Variants in GTF2H5 observed in about 807,000 individuals in gnomAD.
GTF2H5 encodes the protein general transcription factor IIH subunit 5.
Under a neutral mutation model 7.1 loss-of-function variants are expected in GTF2H5, and 5 were observed. The observed-to-expected ratio is 0.71, with a 90% CI of 0.37 to 1.49. GTF2H5 has a LOEUF of 1.49. Among genes scored for constraint, GTF2H5 ranks in the 40% most tolerant of loss-of-function variants. GTF2H5 has a pLI of 0.03. For missense variants in GTF2H5, 80 were observed against 83.0 expected, an observed-to-expected ratio of 0.96 and a Z score of 0.14; for synonymous variants, 30 against 31.7, an observed-to-expected ratio of 0.95 and a Z score of 0.18.
intron 2 of GTF2H5, among the ~76,000 whole-genome samples, chr6:158,191,635 A>G (rs1161418256): frequency 6.6e-6 from 1 of 152,076 alleles, no homozygotes; most frequent in Admixed American, 6.6e-5. Flanking sequence ...GGCACCCGCC[A>G]CCACACCCGG....
intron 2 of GTF2H5, among the ~76,000 whole-genome samples, chr6:158,182,484 C>G (rs190938749): frequency 6.6e-6 from 1 of 152,210 alleles, no homozygotes; most frequent in East Asian, 1.9e-4. Context: ...CAACTTGGCT[C>G]CATTCTCCTC....
intron 2 of GTF2H5, among the ~76,000 whole-genome samples, chr6:158,191,740 C>T (rs1562476792): frequency 6.6e-6 from 1 of 152,198 alleles, no homozygotes; most frequent in Non-Finnish European, 1.5e-5. Flanking sequence ...CCTCGGCCTC[C>T]CAAAGTGCTG....
chr6:158,170,654 C>T, intron 2 of GTF2H5, 116 bp downstream of exon 2: 2 of 791,904 alleles, frequency 2.5e-6, no homozygotes, highest in Non-Finnish European at 4.3e-6. Flanking sequence ...AAGTCTTTCG[C>T]TTTTAACAAG....
In GTF2H5 at chr6:158,171,666, A is replaced by G. The variant is rs60758759; in HGVS notation, c.35+1128A>G. On this transcript the variant is annotated intron_variant, in intron 2 of 2. Transcript: ENST00000607778. ...CAGATTGAAGTACTGTGGAAAAGGA[A>G]AGGGAGGTGAGGAGGTGGAGATGGA... 4.9e-3 allele frequency among the ~76,000 whole-genome samples: 751 copies of G among 152,264 alleles called. 6 individuals carry two copies. Among genetic ancestry groups the G allele is most frequent in the African/African-American group, 0.017 (724 of 41,540 alleles).
chr6:158,182,966 T>C (rs1013761886), intron 2 of GTF2H5, among the ~76,000 whole-genome samples: 4 of 152,146 alleles, frequency 2.6e-5, no homozygotes, highest in Non-Finnish European at 5.9e-5. Context: ...GTTCTGGTTT[T>C]TGGAATTTTC....
In GTF2H5 at chr6:158,193,970, CAGAG is replaced by C. The variant is rs1279938462; in HGVS notation, c.*1814_*1817del. ...TGCCACTGCACTCCAGCCTGGGCGA[CAGAG>C]GGAGACTCCATCTCAAAAAAAAAAA... On this transcript the variant is annotated 3_prime_UTR_variant, in exon 3 of 3. Transcript: ENST00000607778. 8.4e-6 allele frequency: 1 copy of C among 119,172 alleles called. No individual in the cohort carries two copies. Among genetic ancestry groups the C allele is most frequent in the Non-Finnish European group, 1.6e-5 (1 of 62,676 alleles). The allele number at this position is 119,172 out of a possible 1,614,324, so 7.4% of individuals were successfully genotyped here. A position where few individuals can be genotyped will look rare whatever the true frequency, so the allele number is the denominator to read the frequency against.
chr6:158,177,453 CA>C (rs1291882937), intron 2 of GTF2H5, among the ~76,000 whole-genome samples: 1 of 152,118 alleles, frequency 6.6e-6, no homozygotes, highest in Non-Finnish European at 1.5e-5. Flanking sequence ...GGCTGACCCC[CA>C]AAAAAGCTGA....
chr6:158,177,047 T>C (rs931377814), intron 2 of GTF2H5, among the ~76,000 whole-genome samples: 1 of 152,242 alleles, frequency 6.6e-6, no homozygotes, highest in Non-Finnish European at 1.5e-5. Flanking sequence ...ATGGCCATCA[T>C]GAACATGTCA....
At chr6:158,179,295 G>T (rs576198436) in intron 2 of GTF2H5, among the ~76,000 whole-genome samples, 2 of 152,268 alleles carry the variant, frequency 1.3e-5, no homozygotes, top group South Asian at 4.1e-4. Context: ...CTCTAGTTTT[G>T]TTCTTCTTGC....
Position 158,192,129 on chromosome 6 carries a change from A to G in GTF2H5, c.188A>G (p.Gln63Arg). ...LQERVGELMD[Q>R]NAFSLTQK ...GAGCGAGTGGGTGAATTAATGGACC[A>G]AAATGCTTTTTCCCTTACCCAGAAA... Residue 63 changes from glutamine (Q) to arginine (R), a missense_variant, in exon 3 of 3, where the codon CAA (glutamine) becomes CGA (arginine). Physicochemically the swap from Gln to Arg is conservative, Grantham distance 43. Coordinates refer to ENST00000607778, the MANE Select transcript of GTF2H5 (RefSeq NM_207118.3). 6.2e-7 allele frequency: 1 copy of G among 1,613,336 alleles called. No homozygotes were observed. Among genetic ancestry groups the G allele is most frequent in the Non-Finnish European group, 8.5e-7 (1 of 1,179,898 alleles).
intron 2 of GTF2H5, among the ~76,000 whole-genome samples, chr6:158,176,507 G>A (rs1785935752): frequency 6.6e-6 from 1 of 152,196 alleles, no homozygotes; most frequent in Admixed American, 6.5e-5. Context: ...TTACAGATGT[G>A]AGCCATTGCG....
intron 2 of GTF2H5, among the ~76,000 whole-genome samples, chr6:158,174,448 T>C (rs1785902488): frequency 2.0e-5 from 3 of 152,226 alleles, no homozygotes; most frequent in Admixed American, 1.3e-4. Context: ...CACTTGGATA[T>C]AATCTTAACT....
chr6:158,170,690 C>T (rs1785843534), intron 2 of GTF2H5, 152 bp downstream of exon 2: 1 of 676,076 alleles, frequency 1.5e-6, no homozygotes, highest in Non-Finnish European at 2.7e-6. Context: ...TGCAAAGCTC[C>T]TGGTGCCAGA....
chr6:158,186,581 A>G (rs907680319), intron 2 of GTF2H5, among the ~76,000 whole-genome samples: 1 of 152,274 alleles, frequency 6.6e-6, no homozygotes, highest in African/African-American at 2.4e-5. Flanking sequence ...ACAAGTCTCA[A>G]TCAATTTTGA....
intron 2 of GTF2H5, among the ~76,000 whole-genome samples, chr6:158,189,089 G>A (rs1323694036): frequency 6.6e-6 from 1 of 151,604 alleles, no homozygotes; most frequent in Non-Finnish European, 1.5e-5. Flanking sequence ...TTTTTGCTGT[G>A]ACAAAACCTG....
At chr6:158,169,138 G>T (rs1466356570) in intron 1 of GTF2H5, among the ~76,000 whole-genome samples, 1 of 149,924 alleles carries the variant, frequency 6.7e-6, no homozygotes, top group East Asian at 1.9e-4. Flanking sequence ...GGAGGCTGAG[G>T]CAGGAGAATC....
In GTF2H5 at chr6:158,192,571, A is replaced by C. The variant is rs4425618; in HGVS notation, c.*414A>C. The C allele has an allele frequency of 0.34, 82,767 of 240,522 alleles. 16,506 individuals carry two copies. The highest frequency in any genetic ancestry group is 0.57 in the African/African-American group (24,799 of 43,386). 14.9% of individuals were successfully genotyped at this position (240,522 alleles called of 1,614,324 possible). Reference sequence around the variant, plus strand: ...TTTGAATATGCCAAGGTGGGGACTTAGACATTATGTACGTCTCACAAATCC... The same window carrying C: ...TTTGAATATGCCAAGGTGGGGACTTCGACATTATGTACGTCTCACAAATCC... On this transcript the variant is annotated 3_prime_UTR_variant, in exon 3 of 3. Coordinates refer to ENST00000607778, the MANE Select transcript of GTF2H5 (RefSeq NM_207118.3).
At chr6:158,174,557 T>G (rs955158474) in intron 2 of GTF2H5, among the ~76,000 whole-genome samples, 5 of 152,176 alleles carry the variant, frequency 3.3e-5, no homozygotes, top group Non-Finnish European at 7.3e-5. Context: ...TGGTGAAAAT[T>G]TCCTCTTTGT....
At chr6:158,191,909 A>T in intron 2 of GTF2H5, 68 bp from the exon 3 acceptor site, 2 of 1,238,896 alleles carry the variant, frequency 1.6e-6, no homozygotes, top group Non-Finnish European at 2.4e-6. Flanking sequence ...GTTCACATTT[A>T]ATTGCTCAAG....
Sources: gnomAD v4.1 joint callset for allele counts (sites outside exome capture counted in the v4.1 genomes callset) on GRCh38, gnomAD v4.1.1 for gene constraint, MANE v1.5 for transcripts, NCBI Gene and HGNC (gene_info 2026-07-23, HGNC 2026-07-21) for gene names.